The following SCML4 variants were observed in gnomAD, a reference collection of about 807,000 sequenced individuals.
The protein encoded by SCML4 is sex comb on midleg-like protein 4.
SCML4 carries 34 observed loss-of-function variants against 41.1 expected under a neutral mutation model. That is an observed-to-expected ratio of 0.83 (90% CI 0.63 to 1.10). The LOEUF is 1.10. Among genes scored for constraint, SCML4 ranks in the 50% least tolerant of loss-of-function variants. The pLI is 0.00. For missense variants in SCML4, 522 were observed against 534.1 expected (o/e 0.98, Z 0.22); for synonymous variants, 214 against 220.9 (o/e 0.97, Z 0.28).
At chr6:107,717,413 C>T (rs1305533224) in intron 6 of SCML4, among the ~76,000 whole-genome samples, 2 of 152,098 alleles carry the variant, frequency 1.3e-5, no homozygotes, top group Non-Finnish European at 2.9e-5. Flanking sequence ...ACTGATACAT[C>T]ACATAGCAGC....
intron 2 of SCML4, among the ~76,000 whole-genome samples, chr6:107,757,289 G>A (rs1278955908): frequency 6.6e-6 from 1 of 152,196 alleles, no homozygotes; most frequent in Non-Finnish European, 1.5e-5. Flanking sequence ...GAGATGTGCG[G>A]TCAAGAGCAC....
At position 107,781,373 on chromosome 6, in the gene SCML4, G is replaced by A. The variant is rs575390574; in HGVS notation, c.-59-8987C>T. Among the ~76,000 whole-genome samples the A allele has an allele frequency of 2.2e-4, 34 of 152,296 alleles. No individual in the cohort carries two copies. In the South Asian group the frequency reaches 5.4e-3, roughly 24 times the overall value. On this transcript the variant is annotated intron_variant, in intron 1 of 7. Transcript: ENST00000369020. ...CCAAAAGAGGTTCCCCAAGCCGGGC[G>A]TAGTGGTTCACGCCTGTAATCCCAG...
chr6:107,814,020 G>GAGCT (rs1289753873), intron 1 of SCML4, among the ~76,000 whole-genome samples: 4 of 152,212 alleles, frequency 2.6e-5, no homozygotes, highest in Non-Finnish European at 5.9e-5. Flanking sequence ...AGGGTTCCAA[G>GAGCT]AGCTAGCATC....
chr6:107,747,803 CA>C (rs1481355977), intron 3 of SCML4, among the ~76,000 whole-genome samples: 1 of 152,096 alleles, frequency 6.6e-6, no homozygotes, highest in African/African-American at 2.4e-5. Flanking sequence ...TAGTTATCAT[CA>C]GTAAAATTAG....
rs1022529191 is a variant in SCML4 at position 107,824,245 on chromosome 6, T to C, written c.-179A>G. The C allele has an allele frequency of 6.6e-6, 1 of 151,388 alleles. No individual in the cohort carries two copies. The highest frequency in any genetic ancestry group is 1.5e-5 in the Non-Finnish European group (1 of 68,042). The allele number at this position is 151,388 out of a possible 1,614,324, so 9.4% of individuals were successfully genotyped here. On this transcript the variant is annotated 5_prime_UTR_variant, in exon 1 of 8. Transcript: ENST00000369020. Reference sequence around the variant, plus strand: ...TATTGCAAAAGCTATCTTCCACCCGTGTTAGTAGCTCACAGTTAGTCTCCA... The same window carrying C: ...TATTGCAAAAGCTATCTTCCACCCGCGTTAGTAGCTCACAGTTAGTCTCCA...
the SCML4 span, among the ~76,000 whole-genome samples, chr6:107,834,149 G>A: frequency 6.6e-6 from 1 of 152,154 alleles, no homozygotes; most frequent in Non-Finnish European, 1.5e-5. Flanking sequence ...TTCCCAGAAA[G>A]CACACAGTTC....
intron 5 of SCML4, among the ~76,000 whole-genome samples, chr6:107,736,875 A>C (rs1490948782): frequency 1.3e-5 from 2 of 152,214 alleles, no homozygotes; most frequent in Non-Finnish European, 2.9e-5. Flanking sequence ...CCTCAAGAAT[A>C]AATGTCCGTT....
chr6:107,826,892 T>C (rs1031074270), upstream of SCML4, among the ~76,000 whole-genome samples: 1 of 147,096 alleles, frequency 6.8e-6, no homozygotes, highest in Non-Finnish European at 1.5e-5. Flanking sequence ...TGAAACCCCG[T>C]CTCTACTAAA....
chr6:107,770,857 G>A (rs898141192), intron 2 of SCML4, among the ~76,000 whole-genome samples: 2 of 152,194 alleles, frequency 1.3e-5, no homozygotes, highest in South Asian at 2.1e-4. Context: ...ATGTTTCTTC[G>A]AATCCTGGAT....
At chr6:107,759,356 C>CATAT (rs1779386589) in intron 2 of SCML4, among the ~76,000 whole-genome samples, 1 of 151,562 alleles carries the variant, frequency 6.6e-6, no homozygotes, top group African/African-American at 2.4e-5. Flanking sequence ...TACATACATA[C>CATAT]ATACATACAT....
At chr6:107,810,549 C>T (rs1261879914) in intron 1 of SCML4, among the ~76,000 whole-genome samples, 1 of 152,086 alleles carries the variant, frequency 6.6e-6, no homozygotes, top group African/African-American at 2.4e-5. Flanking sequence ...GAGTTGAAAC[C>T]TTCCTGAAGT....
chr6:107,806,748 A>G (rs566781389), intron 1 of SCML4, among the ~76,000 whole-genome samples: 1 of 152,328 alleles, frequency 6.6e-6, no homozygotes, highest in South Asian at 2.1e-4. Context: ...ACTCATGGTG[A>G]AAGAGGTGAG....
chr6:107,763,520 G>A (rs1235201276), intron 2 of SCML4, among the ~76,000 whole-genome samples: 1 of 152,024 alleles, frequency 6.6e-6, no homozygotes, highest in Non-Finnish European at 1.5e-5. Context: ...CCAAGTAGCT[G>A]GGATTATGGG....
chr6:107,788,637 C>T (rs891447174), intron 1 of SCML4, among the ~76,000 whole-genome samples: 1 of 152,280 alleles, frequency 6.6e-6, no homozygotes, highest in Non-Finnish European at 1.5e-5. Context: ...TGATGCCCAT[C>T]TCATGGGGGT....
intron 1 of SCML4, among the ~76,000 whole-genome samples, chr6:107,799,273 T>C (rs1782931291): frequency 6.6e-6 from 1 of 152,222 alleles, no homozygotes; most frequent in Admixed American, 6.5e-5. Context: ...AAGAGTTTCA[T>C]ATCTTCTTGA....
chr6:107,778,998 G>A (rs193249928), intron 1 of SCML4, among the ~76,000 whole-genome samples: 1,682 of 152,080 alleles, frequency 0.011, 33 homozygotes, highest in African/African-American at 0.039. Flanking sequence ...GGCTAACACC[G>A]TGAAACCCCG....
At chr6:107,821,126 C>T (rs1784916235) in intron 1 of SCML4, among the ~76,000 whole-genome samples, 1 of 152,148 alleles carries the variant, frequency 6.6e-6, no homozygotes, top group South Asian at 2.1e-4. Context: ...TTAATTATCA[C>T]CTTATTGATA....
chr6:107,775,005 AAAAG>A (rs758138693), intron 1 of SCML4, among the ~76,000 whole-genome samples: 22 of 152,084 alleles, frequency 1.4e-4, no homozygotes, highest in African/African-American at 1.9e-4. Context: ...TAAAAAAAAA[AAAAG>A]AAAGAAAGAA....
intron 5 of SCML4, among the ~76,000 whole-genome samples, chr6:107,730,780 T>A (rs1776459646): frequency 6.6e-6 from 1 of 152,182 alleles, no homozygotes; most frequent in African/African-American, 2.4e-5. Context: ...CCACTGTGTA[T>A]AAAGCCTGCC....
Sources: allele counts gnomAD v4.1 joint callset (sites outside exome capture counted in the v4.1 genomes callset), GRCh38; gene constraint gnomAD v4.1.1; transcripts MANE v1.5; gene names NCBI Gene and HGNC (gene_info 2026-07-23, HGNC 2026-07-21).